Variants in CDH10 observed in about 807,000 individuals in gnomAD.
The protein encoded by CDH10 is cadherin-10.
A neutral mutation model predicts 73.1 loss-of-function variants in CDH10; 30 were observed. That is an observed-to-expected ratio of 0.41 (90% CI 0.31 to 0.56). CDH10 has a LOEUF of 0.56. Ranked by LOEUF, CDH10 falls within the 20% of genes least tolerant of loss-of-function variation. The probability of loss-of-function intolerance (pLI) is 0.27; values close to 1 mark genes in which losing one functional copy is unlikely to be tolerated. For missense variants in CDH10, 815 were observed against 973.7 expected (o/e 0.84, Z 2.17); for synonymous variants, 345 against 348.2 (o/e 0.99, Z 0.10).
At chr5:24,630,797 C>T (rs1412878640) in intron 1 of CDH10, among the ~76,000 whole-genome samples, 1 of 151,710 alleles carries the variant, frequency 6.6e-6, no homozygotes, top group Non-Finnish European at 1.5e-5. Flanking sequence ...AGTATTAGAA[C>T]AGATTAAAAA....
chr5:24,637,492 T>G (rs1579494274), intron 1 of CDH10, among the ~76,000 whole-genome samples: 1 of 151,916 alleles, frequency 6.6e-6, no homozygotes, highest in East Asian at 1.9e-4. Flanking sequence ...TACATTTAAT[T>G]ATAAATATCT....
In CDH10 at chr5:24,546,406, A is replaced by G. The variant is rs77570864; in HGVS notation, c.232-8732T>C. 1.7e-3 allele frequency among the ~76,000 whole-genome samples: 264 copies of G among 152,304 alleles called. 4 individuals are homozygous for G. Among genetic ancestry groups the G allele is most frequent in the African/African-American group, 5.8e-3 (243 of 41,570 alleles). On this transcript the variant is annotated intron_variant, in intron 2 of 11. Transcript: ENST00000264463. The stretch of plus-strand genomic sequence containing the variant: ...TTGCTCGATTGACTGAGAGATATTC[A>G]TATCTTCATCAGATGAATATACCTA...
In CDH10 at chr5:24,500,100, T is replaced by C. The variant is rs553753189; in HGVS notation, c.1394-1581A>G. On this transcript the variant is annotated intron_variant, in intron 8 of 11. Coordinates refer to ENST00000264463, the MANE Select transcript of CDH10 (RefSeq NM_006727.5). Reference sequence around the variant, plus strand: ...ATATCATTTTGCCTTGTAAAATTTATCTGACGTCTTAAGGTAATCTAAATA... The same window carrying C: ...ATATCATTTTGCCTTGTAAAATTTACCTGACGTCTTAAGGTAATCTAAATA... Among the ~76,000 whole-genome samples the C allele has an allele frequency of 3.9e-5, 6 of 152,348 alleles. No individual in the cohort carries two copies. In the South Asian group the frequency reaches 1.2e-3, roughly 32 times the overall value.
At position 24,520,271 on chromosome 5, in the gene CDH10, C is replaced by T. The variant is rs115044105; in HGVS notation, c.815-8757G>A. On this transcript the variant is annotated intron_variant, in intron 5 of 11. Coordinates refer to ENST00000264463, the MANE Select transcript of CDH10 (RefSeq NM_006727.5). ...ATGAATAAATCATTGTATAATCACA[C>T]ATCTCAATGTAATATAAAAGCAAAA... Among the ~76,000 whole-genome samples, 161 of 152,154 alleles carry T rather than the reference C, an allele frequency of 1.1e-3. 1 individual carries two copies. The highest frequency in any genetic ancestry group is 3.3e-3 in the African/African-American group (138 of 41,506).
intron 2 of CDH10, among the ~76,000 whole-genome samples, chr5:24,547,285 A>T (rs944284901): frequency 6.6e-6 from 1 of 152,212 alleles, no homozygotes; most frequent in Non-Finnish European, 1.5e-5. Flanking sequence ...CATGTAGAAC[A>T]GCTAAATAAA....
intron 2 of CDH10, among the ~76,000 whole-genome samples, chr5:24,579,244 C>G (rs1745706737): frequency 1.3e-5 from 2 of 151,742 alleles, no homozygotes; most frequent in African/African-American, 4.8e-5. Context: ...TAAACATTTT[C>G]TCTGAAACCA....
At chr5:24,541,691 G>T (rs1013301534) in intron 2 of CDH10, among the ~76,000 whole-genome samples, 1 of 152,002 alleles carries the variant, frequency 6.6e-6, no homozygotes, top group Non-Finnish European at 1.5e-5. Flanking sequence ...TGTGGTTTTA[G>T]TTCCTCAGTA....
At chr5:24,519,518 T>A (rs1334788017) in intron 5 of CDH10, among the ~76,000 whole-genome samples, 3 of 152,056 alleles carry the variant, frequency 2.0e-5, no homozygotes. Flanking sequence ...AAAGGCAGAA[T>A]AACCTAGTAG....
At chr5:24,568,696 A>C (rs530280896) in intron 2 of CDH10, among the ~76,000 whole-genome samples, 1 of 152,284 alleles carries the variant, frequency 6.6e-6, no homozygotes, top group South Asian at 2.1e-4. Context: ...TTTGTATAGC[A>C]ATGTTCATAC....
At chr5:24,503,098 T>C (rs145452434) in intron 8 of CDH10, among the ~76,000 whole-genome samples, 46 of 152,314 alleles carry the variant, frequency 3.0e-4, no homozygotes, top group Middle Eastern at 3.4e-3. Context: ...CCTGAAGCTT[T>C]TAGTTCATTG....
intron 1 of CDH10, among the ~76,000 whole-genome samples, chr5:24,598,614 T>C (rs1224341937): frequency 2.0e-5 from 3 of 151,494 alleles, no homozygotes; most frequent in African/African-American, 7.3e-5. Flanking sequence ...ACATAAGACA[T>C]TAACCAAAAA....
chr5:24,587,043 A>T (rs534942236), intron 2 of CDH10, among the ~76,000 whole-genome samples: 2 of 150,472 alleles, frequency 1.3e-5, no homozygotes, highest in Non-Finnish European at 3.0e-5. Context: ...ACGGGGTTTC[A>T]TCGTGTTAGC....
chr5:24,506,278 T>A (rs1742695714), intron 7 of CDH10, among the ~76,000 whole-genome samples: 1 of 152,220 alleles, frequency 6.6e-6, no homozygotes, highest in Admixed American at 6.5e-5. Flanking sequence ...CTGGGCATGA[T>A]TTTAAAGCCT....
intron 1 of CDH10, among the ~76,000 whole-genome samples, chr5:24,631,132 T>C (rs543357214): frequency 4.3e-4 from 66 of 152,258 alleles, no homozygotes; most frequent in African/African-American, 1.5e-3. Flanking sequence ...GGGTAAATAC[T>C]GAGCTAGTGA....
intron 2 of CDH10, among the ~76,000 whole-genome samples, chr5:24,568,847 C>T (rs964396449): frequency 6.6e-6 from 1 of 152,056 alleles, no homozygotes; most frequent in African/African-American, 2.4e-5. Context: ...AGCGGTGGTT[C>T]ACACTTGTAA....
intron 2 of CDH10, among the ~76,000 whole-genome samples, chr5:24,541,281 C>T (rs975938614): frequency 2.0e-5 from 3 of 151,944 alleles, no homozygotes; most frequent in Non-Finnish European, 4.4e-5. Flanking sequence ...TTAAATTTCT[C>T]TTTAGTTTTT....
chr5:24,575,375 G>GA (rs113497891), intron 2 of CDH10, among the ~76,000 whole-genome samples: 5,170 of 139,662 alleles, frequency 0.037, 251 homozygotes, highest in African/African-American at 0.098. Context: ...AAAAAAAAAG[G>GA]AAAAAAAAGA....
At chr5:24,536,305 G>T (rs1303510559) in intron 3 of CDH10, among the ~76,000 whole-genome samples, 3 of 151,962 alleles carry the variant, frequency 2.0e-5, no homozygotes, top group African/African-American at 7.2e-5. Flanking sequence ...CAAGTTCCAT[G>T]AACTACTAAA....
At chr5:24,548,019 T>A (rs1744404549) in intron 2 of CDH10, among the ~76,000 whole-genome samples, 1 of 152,134 alleles carries the variant, frequency 6.6e-6, no homozygotes, top group Non-Finnish European at 1.5e-5. Flanking sequence ...AAGTCCAAAA[T>A]CTACAGGGAA....
Sources: gnomAD v4.1 joint callset for allele counts (sites outside exome capture counted in the v4.1 genomes callset) on GRCh38, gnomAD v4.1.1 for gene constraint, MANE v1.5 for transcripts, NCBI Gene and HGNC (gene_info 2026-07-23, HGNC 2026-07-21) for gene names.